The following MIDEAS variants were observed in gnomAD, a reference collection of about 807,000 sequenced individuals.
The protein encoded by MIDEAS is mitotic deacetylase associated SANT domain protein.
Under a neutral mutation model 102.7 loss-of-function variants are expected in MIDEAS, and 26 were observed. The ratio of observed to expected loss-of-function variants is 0.25; its 90% CI spans 0.19 to 0.35. The LOEUF (loss-of-function observed/expected upper bound fraction) is 0.35, where lower values mean the gene tolerates loss of function less well. Ranked by LOEUF, MIDEAS falls within the 10% of genes least tolerant of loss-of-function variation. MIDEAS has a pLI of 1.00. For synonymous variants in MIDEAS, 585 were observed against 591.0 expected, an observed-to-expected ratio of 0.99 and a Z score of 0.15; for missense variants, 1,231 against 1,435.6, an observed-to-expected ratio of 0.86 and a Z score of 2.30.
intron 11 of MIDEAS, 124 bp downstream of exon 11, chr14:73,721,173 T>C (rs1332442082): frequency 2.0e-5 from 18 of 906,562 alleles, no homozygotes; most frequent in Non-Finnish European, 2.9e-5. Flanking sequence ...ACAAAGTACT[T>C]CACACATTTC....
chr14:73,739,902 TGG>T lies in MIDEAS; in HGVS notation c.105_106del (p.Gln36AlafsTer32). On this transcript the variant is annotated frameshift_variant, in exon 2 of 13. Coordinates refer to ENST00000423556, the MANE Select transcript of MIDEAS (RefSeq NM_001367710.1). LOFTEE classifies it high-confidence loss of function. ...CTCCTCCTTCACTCTGATGGACTGC[TGG>T]GGGGGCTGCAGGGGAGGGGGCTGCT... 6.4e-7 allele frequency: 1 copy of T among 1,550,688 alleles called. No homozygotes were observed. Among genetic ancestry groups the T allele is most frequent in the Non-Finnish European group, 8.7e-7 (1 of 1,147,438 alleles).
At position 73,721,307 on chromosome 14, in the gene MIDEAS, G is replaced by T; in HGVS notation, c.2927C>A (p.Ala976Asp). The change falls in exon 11 of 13, where the codon GCC (alanine) becomes GAC (aspartate). Residue 976 changes from alanine (A) to aspartate (D), a missense_variant. Ala to Asp is a moderately radical substitution (Grantham distance 126). Coordinates refer to ENST00000423556, the MANE Select transcript of MIDEAS (RefSeq NM_001367710.1). ...GGTGGTCACACTCACCGACTCATTGGCCTGTAGTGTCTGCGTGGCTTTGAC... is the reference window on the plus strand; with the variant it reads ...GGTGGTCACACTCACCGACTCATTGTCCTGTAGTGTCTGCGTGGCTTTGAC... Reference protein sequence around the residue: ...AAVKATQTLQANESASDILIL... With the variant: ...AAVKATQTLQDNESASDILIL... 2 of 1,612,874 alleles carry T rather than the reference G, an allele frequency of 1.2e-6. No individual in the cohort carries two copies. The highest frequency in any genetic ancestry group is 1.7e-6 in the Non-Finnish European group (2 of 1,180,008).
intron 1 of MIDEAS, among the ~76,000 whole-genome samples, chr14:73,756,351 G>A (rs2053484300): frequency 6.6e-6 from 1 of 151,948 alleles, no homozygotes; most frequent in Non-Finnish European, 1.5e-5. Context: ...CCAAATTGCA[G>A]TTTCCAACAT....
chr14:73,777,749 C>G (rs1470880237), intron 1 of MIDEAS, among the ~76,000 whole-genome samples: 1 of 152,000 alleles, frequency 6.6e-6, no homozygotes, highest in Non-Finnish European at 1.5e-5. Context: ...AAGTACTGTG[C>G]AAGGCACTGG....
At chr14:73,723,143 A>T in intron 9 of MIDEAS, 1 of 199,814 alleles carries the variant, frequency 5.0e-6, no homozygotes, top group Non-Finnish European at 1.0e-5. Context: ...GCATTACTGT[A>T]TTTTTTTTTC....
chr14:73,726,962 C>G lies in MIDEAS; in HGVS notation c.2173G>C (p.Val725Leu), dbSNP rs756494889. ...ATTTCTGCCTGGAACCGGGAGCCCA[C>G]GTTGATCCGTCTAGAGGAGTGAAAA... ...TPVSIEPRIN[V>L]GSRFQAEIPL... The change falls in exon 6 of 13, where the codon GTG (valine) becomes CTG (leucine). Residue 725 changes from valine to leucine, a missense_variant. Val to Leu is a conservative substitution (Grantham distance 32). Coordinates refer to ENST00000423556, the MANE Select transcript of MIDEAS (RefSeq NM_001367710.1). The G allele has an allele frequency of 5.6e-6, 9 of 1,610,778 alleles. No individual in the cohort carries two copies. The African/African-American group carries it at 8.0e-5, about 14-fold the overall frequency.
intron 1 of MIDEAS, among the ~76,000 whole-genome samples, chr14:73,754,431 C>G (rs752993970): frequency 5.3e-5 from 8 of 152,234 alleles, no homozygotes; most frequent in Non-Finnish European, 8.8e-5. Flanking sequence ...CACCCAGGAG[C>G]CAAGACAGTA....
chr14:73,746,884 C>G (rs994742100), intron 1 of MIDEAS, among the ~76,000 whole-genome samples: 1 of 152,210 alleles, frequency 6.6e-6, no homozygotes, highest in African/African-American at 2.4e-5. Flanking sequence ...CTGGGAGACA[C>G]AGGAGACACA....
In MIDEAS at chr14:73,717,489, A is replaced by G. The variant is rs7156893; in HGVS notation, c.*1354T>C. Reference sequence around the variant, plus strand: ...GAGAAGGGGCAGCAAGAACTGCCTTAATCTCCCTTGCTCTGTGTGGGTCTG... The same window carrying G: ...GAGAAGGGGCAGCAAGAACTGCCTTGATCTCCCTTGCTCTGTGTGGGTCTG... On this transcript the variant is annotated 3_prime_UTR_variant, in exon 13 of 13. Transcript: ENST00000423556. 123,148 of 152,348 alleles carry G rather than the reference A, an allele frequency of 0.81. 50,519 individuals carry two copies. Among genetic ancestry groups the G allele is most frequent in the African/African-American group, 0.94 (39,144 of 41,542 alleles). 9.4% of individuals were successfully genotyped at this position (152,348 alleles called of 1,614,324 possible). A position where few individuals can be genotyped will look rare whatever the true frequency, so the allele number is the denominator to read the frequency against.
At chr14:73,778,735 C>G (rs1202389766) in intron 1 of MIDEAS, among the ~76,000 whole-genome samples, 2 of 151,990 alleles carry the variant, frequency 1.3e-5, no homozygotes, top group Admixed American at 6.6e-5. Flanking sequence ...GGGCACTGCC[C>G]TCTCCCAGCC....
intron 1 of MIDEAS, among the ~76,000 whole-genome samples, chr14:73,776,310 G>A (rs534962215): frequency 2.6e-5 from 4 of 151,952 alleles, no homozygotes; most frequent in Non-Finnish European, 5.9e-5. Flanking sequence ...GAAACACTCA[G>A]ATCTTCTGGG....
chr14:73,730,899 AGT>A, intron 3 of MIDEAS, among the ~76,000 whole-genome samples: 2 of 152,334 alleles, frequency 1.3e-5, no homozygotes, highest in Middle Eastern at 6.8e-3. Flanking sequence ...TGGAGGTTGC[AGT>A]GAGCCAAGGT....
At chr14:73,744,156 C>A (rs1419405817) in intron 1 of MIDEAS, among the ~76,000 whole-genome samples, 1 of 152,138 alleles carries the variant, frequency 6.6e-6, no homozygotes, top group Non-Finnish European at 1.5e-5. Context: ...GATGGTGACA[C>A]CAGCTCTCCT....
chr14:73,740,709 C>T (rs1595270619), intron 1 of MIDEAS, among the ~76,000 whole-genome samples: 2 of 152,370 alleles, frequency 1.3e-5, no homozygotes, highest in East Asian at 3.9e-4. Context: ...TCCTGGCACA[C>T]ATCTGTCTAT....
chr14:73,721,663 T>A (rs781643450), intron 10 of MIDEAS, 154 bp from the exon 11 acceptor site: 1 of 647,464 alleles, frequency 1.5e-6, no homozygotes, highest in Non-Finnish European at 2.7e-6. Flanking sequence ...CTGGACTCTG[T>A]CCCCATGGCA....
At chr14:73,787,076 G>C (rs546890158) in intron 1 of MIDEAS, 2 of 150,270 alleles carry the variant, frequency 1.3e-5, no homozygotes, top group African/African-American at 2.4e-5. Context: ...CCGGTGGCGG[G>C]AGGGGGCGCC....
chr14:73,743,372 T>C (rs774308954), intron 1 of MIDEAS, among the ~76,000 whole-genome samples: 4 of 151,738 alleles, frequency 2.6e-5, no homozygotes, highest in Non-Finnish European at 5.9e-5. Flanking sequence ...CACAGAGGGG[T>C]CAGCAGATGT....
intron 1 of MIDEAS, among the ~76,000 whole-genome samples, chr14:73,755,370 CTTATA>C (rs1003784491): frequency 1.3e-5 from 2 of 152,178 alleles, no homozygotes; most frequent in African/African-American, 2.4e-5. Flanking sequence ...CAACTTTCTT[CTTATA>C]TAATTCTTGG....
Position 73,738,719 on chromosome 14 carries a change from G to C in MIDEAS, c.1290C>G (p.Ser430Arg), listed in dbSNP as rs749627502. The C allele has an allele frequency of 1.2e-6, 2 of 1,612,824 alleles. No homozygotes were observed. Among genetic ancestry groups the C allele is most frequent in the Non-Finnish European group, 1.7e-6 (2 of 1,179,508 alleles). ...TGCTCACTGCCCTCATGCCCTCCTC[G>C]CTGCCCATGGCAGGAGCCTCTCGCT... The part of the protein sequence containing the change: ...GREREAPAMG[S>R]EEGMRAVSTG... The change falls in exon 2 of 13, where the codon AGC (serine) becomes AGG (arginine). Residue 430 changes from serine to arginine, a missense_variant. By Grantham distance (110) the Ser-to-Arg change is moderately radical. Coordinates refer to ENST00000423556, the MANE Select transcript of MIDEAS (RefSeq NM_001367710.1).
Sources: allele counts gnomAD v4.1 joint callset (sites outside exome capture counted in the v4.1 genomes callset), GRCh38; gene constraint gnomAD v4.1.1; transcripts MANE v1.5; gene names NCBI Gene and HGNC (gene_info 2026-07-23, HGNC 2026-07-21).